Variants in RFX3 observed in about 807,000 individuals in gnomAD.
RFX3 encodes regulatory factor X3.
RFX3 carries 14 observed loss-of-function variants against 98.6 expected under a neutral mutation model. The ratio of observed to expected loss-of-function variants is 0.14; its 90% CI spans 0.09 to 0.22. The LOEUF (loss-of-function observed/expected upper bound fraction) is 0.22. Ranked by LOEUF, RFX3 falls within the 10% of genes least tolerant of loss-of-function variation. RFX3 has a pLI of 1.00. For synonymous variants in RFX3, 383 were observed against 328.4 expected, an observed-to-expected ratio of 1.17 and a Z score of -1.80; for missense variants, 639 against 926.9, an observed-to-expected ratio of 0.69 and a Z score of 4.03.
intron 2 of RFX3, among the ~76,000 whole-genome samples, chr9:3,392,124 G>C (rs1455672556): frequency 6.6e-6 from 1 of 152,020 alleles, no homozygotes; most frequent in African/African-American, 2.4e-5. Context: ...TTGTCAGTCA[G>C]ATGACCCCAT....
At chr9:3,275,445 G>C (rs777500571) in intron 9 of RFX3, 55 bp downstream of exon 9, 1 of 974,506 alleles carries the variant, frequency 1.0e-6, no homozygotes. Context: ...TTTTATATTA[G>C]CAAGTTATCT....
chr9:3,369,329 T>C (rs927404862), intron 2 of RFX3, among the ~76,000 whole-genome samples: 4 of 152,180 alleles, frequency 2.6e-5, no homozygotes, highest in African/African-American at 9.7e-5. Context: ...GACAGGGGTC[T>C]CTCTAGGTTG....
intron 1 of RFX3, among the ~76,000 whole-genome samples, chr9:3,399,177 G>A (rs972914163): frequency 2.6e-5 from 4 of 151,242 alleles, no homozygotes; most frequent in Non-Finnish European, 5.9e-5. Context: ...GTTCATGCCT[G>A]TAATCCCAAC....
In RFX3 at chr9:3,473,508, T is replaced by C. The variant is rs567855398; in HGVS notation, c.-9+52239A>G. On this transcript the variant is annotated intron_variant, in intron 1 of 16. Transcript: ENST00000617270. Reference sequence around the variant, plus strand: ...GATCCAAGAAATATATAAGCCTACATAGAATAATACACATGAGAAGCTCTC... The same window carrying C: ...GATCCAAGAAATATATAAGCCTACACAGAATAATACACATGAGAAGCTCTC... 3.3e-5 allele frequency among the ~76,000 whole-genome samples: 5 copies of C among 152,294 alleles called. No homozygotes were observed. The East Asian group carries it at 7.7e-4, about 23-fold the overall frequency.
chr9:3,325,335 C>A (rs1229468238), intron 4 of RFX3, among the ~76,000 whole-genome samples: 1 of 152,002 alleles, frequency 6.6e-6, no homozygotes, highest in African/African-American at 2.4e-5. Context: ...ATTATATAAA[C>A]TAGGCCAAAC....
At chr9:3,256,279 T>C (rs368153014) in intron 14 of RFX3, among the ~76,000 whole-genome samples, 1 of 151,492 alleles carries the variant, frequency 6.6e-6, no homozygotes, top group Non-Finnish European at 1.5e-5. Flanking sequence ...CACTAATCAC[T>C]ATCTCTTGAC....
chr9:3,306,032 T>G (rs983217460), intron 4 of RFX3, among the ~76,000 whole-genome samples: 3 of 152,032 alleles, frequency 2.0e-5, no homozygotes, highest in African/African-American at 7.2e-5. Flanking sequence ...ATTTATAAAT[T>G]CTGCTAGGTA....
chr9:3,505,238 AT>A (rs1176824639), intron 1 of RFX3, among the ~76,000 whole-genome samples: 1 of 88,112 alleles, frequency 1.1e-5, no homozygotes, highest in Non-Finnish European at 1.8e-5. Context: ...ATGAATATAT[AT>A]TTATATATAT....
intron 1 of RFX3, among the ~76,000 whole-genome samples, chr9:3,404,840 C>G (rs1841815319): frequency 6.6e-6 from 1 of 152,104 alleles, no homozygotes; most frequent in African/African-American, 2.4e-5. Context: ...AGTGTAACAT[C>G]CCAATCACTT....
At chr9:3,464,700 T>C (rs1010072568) in intron 1 of RFX3, among the ~76,000 whole-genome samples, 1 of 152,178 alleles carries the variant, frequency 6.6e-6, no homozygotes, top group African/African-American at 2.4e-5. Flanking sequence ...TGGAACACAA[T>C]TGTATACATC....
intron 12 of RFX3, 62 bp downstream of exon 12, chr9:3,266,146 A>T: frequency 1.0e-6 from 1 of 953,992 alleles, no homozygotes; most frequent in Non-Finnish European, 1.6e-6. Flanking sequence ...GGATAGATGT[A>T]AAGTTCACAA....
At chr9:3,395,342 T>C (rs1840745200) in intron 2 of RFX3, 130 bp downstream of exon 2, 3 of 1,012,312 alleles carry the variant, frequency 3.0e-6, no homozygotes, top group African/African-American at 3.2e-5. Context: ...ATTTGCTGAA[T>C]GAACCTAAAA....
intron 3 of RFX3, among the ~76,000 whole-genome samples, chr9:3,331,803 T>A (rs1227214243): frequency 6.6e-6 from 1 of 152,178 alleles, no homozygotes; most frequent in Non-Finnish European, 1.5e-5. Context: ...TACATGCTCT[T>A]AGTAAACAAT....
chr9:3,432,771 G>A lies in RFX3; in HGVS notation c.-8-37175C>T, dbSNP rs113100953. On this transcript the variant is annotated intron_variant, in intron 1 of 16. Transcript: ENST00000617270. ...AAAACGAAGTTAAATTAGACAATATGGCAGAAGGGTTCCAATTACTCAAGA... is the reference window on the plus strand; with the variant it reads ...AAAACGAAGTTAAATTAGACAATATAGCAGAAGGGTTCCAATTACTCAAGA... Among the ~76,000 whole-genome samples the A allele has an allele frequency of 1.1e-4, 16 of 152,206 alleles. 2 individuals are homozygous for A. The highest frequency in any genetic ancestry group is 3.6e-4 in the African/African-American group (15 of 41,524).
intron 1 of RFX3, among the ~76,000 whole-genome samples, chr9:3,434,516 T>C (rs1281724809): frequency 6.6e-6 from 1 of 152,126 alleles, no homozygotes; most frequent in African/African-American, 2.4e-5. Context: ...TCTACTATGT[T>C]CCTCCACAAT....
intron 1 of RFX3, among the ~76,000 whole-genome samples, chr9:3,475,956 C>A (rs750611666): frequency 1.3e-5 from 2 of 152,316 alleles, no homozygotes; most frequent in African/African-American, 4.8e-5. Context: ...TCTTCCCAGA[C>A]GCTGGCGTTA....
intron 1 of RFX3, among the ~76,000 whole-genome samples, chr9:3,505,166 T>TATATA (rs1816810429): frequency 1.1e-5 from 1 of 94,832 alleles, no homozygotes; most frequent in African/African-American, 4.5e-5. Flanking sequence ...GAAATATATT[T>TATATA]TATATTCATA....
chr9:3,495,320 C>T (rs2133568330), intron 1 of RFX3, among the ~76,000 whole-genome samples: 1 of 152,020 alleles, frequency 6.6e-6, no homozygotes, highest in East Asian at 1.9e-4. Flanking sequence ...AAATTATGTT[C>T]TACATTTCTA....
intron 1 of RFX3, among the ~76,000 whole-genome samples, chr9:3,478,362 G>C (rs1165127633): frequency 6.7e-6 from 1 of 148,276 alleles, no homozygotes; most frequent in Non-Finnish European, 1.5e-5. Flanking sequence ...GAATTTTACA[G>C]ATCCTGTATT....
Sources: allele counts gnomAD v4.1 joint callset (sites outside exome capture counted in the v4.1 genomes callset), GRCh38; gene constraint gnomAD v4.1.1; transcripts MANE v1.5; gene names NCBI Gene and HGNC (gene_info 2026-07-23, HGNC 2026-07-21).